The following RPGRIP1 variants were observed in gnomAD, a reference collection of about 807,000 sequenced individuals.
RPGRIP1 encodes the protein X-linked retinitis pigmentosa GTPase regulator-interacting protein 1.
Under a neutral mutation model 157.9 loss-of-function variants are expected in RPGRIP1, and 128 were observed. The ratio of observed to expected loss-of-function variants is 0.81; its 90% confidence interval spans 0.70 to 0.94. The LOEUF is 0.94. Among genes scored for constraint, RPGRIP1 ranks in the 40% least tolerant of loss-of-function variants. The probability of loss-of-function intolerance (pLI) is 0.00; values close to 1 mark genes in which losing one functional copy is unlikely to be tolerated. For synonymous variants in RPGRIP1, 554 were observed against 571.6 expected (o/e 0.97, Z 0.44); for missense variants, 1,486 against 1,545.8 (o/e 0.96, Z 0.65).
Position 21,334,629 on chromosome 14 carries a change from C to T in RPGRIP1, c.3263C>T (p.Ser1088Phe). 2 of 1,608,632 alleles carry T rather than the reference C, an allele frequency of 1.2e-6. No individual in the cohort carries two copies. The highest frequency in any genetic ancestry group is 1.7e-6 in the Non-Finnish European group (2 of 1,177,930). Residue 1088 changes from serine (S) to phenylalanine (F), a missense_variant, in exon 21 of 25, where the codon TCT becomes TTT. Physicochemically the swap from Ser to Phe is radical, Grantham distance 155. Transcript: ENST00000400017. ...VNDKESSEQGSEVSEAQTTDS... is the reference protein window; with the variant it reads ...VNDKESSEQGFEVSEAQTTDS... Reference sequence around the variant, plus strand: ...GACAAAGAATCCTCTGAACAAGGTTCTGAAGTCAGTGAAGCACAAACTACC... The same window carrying T: ...GACAAAGAATCCTCTGAACAAGGTTTTGAAGTCAGTGAAGCACAAACTACC...
intron 3 of RPGRIP1, among the ~76,000 whole-genome samples, chr14:21,296,561 G>A (rs1880790635): frequency 6.6e-6 from 1 of 151,584 alleles, no homozygotes; most frequent in Admixed American, 6.6e-5. Context: ...ATGTTGGCCA[G>A]GCTGGTCTCA....
intron 18 of RPGRIP1, among the ~76,000 whole-genome samples, chr14:21,328,109 C>T (rs566724597): frequency 2.0e-5 from 3 of 151,980 alleles, no homozygotes; most frequent in South Asian, 2.1e-4. Flanking sequence ...GTGGAGGTTG[C>T]GGCGAGCCGA....
At chr14:21,308,244 T>C (rs1881398525) in intron 7 of RPGRIP1, among the ~76,000 whole-genome samples, 1 of 152,238 alleles carries the variant, frequency 6.6e-6, no homozygotes, top group Admixed American at 6.5e-5. Flanking sequence ...TTTACAGTCA[T>C]GATCTTTTTT....
chr14:21,282,793 G>A (rs945714908), intron 1 of RPGRIP1, among the ~76,000 whole-genome samples: 1 of 151,672 alleles, frequency 6.6e-6, no homozygotes, highest in East Asian at 1.9e-4. Flanking sequence ...GTATTTTGTA[G>A]TAGAGATGGA....
At position 21,328,426 on chromosome 14, in the gene RPGRIP1, T is replaced by C; in HGVS notation, c.2898T>C (p.Asp966=). 6.2e-7 allele frequency: 1 copy of C among 1,608,812 alleles called. No individual in the cohort carries two copies. Among genetic ancestry groups the C allele is most frequent in the Non-Finnish European group, 8.5e-7 (1 of 1,177,130 alleles). The change falls in exon 19 of 25, where the codon GAT becomes GAC. Residue 966 remains aspartate (D), a splice_region_variant and synonymous_variant. Transcript: ENST00000400017. The stretch of plus-strand genomic sequence containing the variant: ...CTATCTCTGATCTTTCTATTCAGGA[T>C]CAGATGGCATCTCCTGAGGTTCCCA... The part of the protein sequence containing the change: ...EEEKASFPSQ[D]QMASPEVPIE...
intron 1 of RPGRIP1, among the ~76,000 whole-genome samples, chr14:21,283,232 C>A (rs1195013922): frequency 1.3e-5 from 2 of 152,150 alleles, no homozygotes; most frequent in Non-Finnish European, 2.9e-5. Flanking sequence ...CTTCACATTA[C>A]TTTTCTACAG....
chr14:21,291,484 C>G (rs1220893038), intron 2 of RPGRIP1, among the ~76,000 whole-genome samples: 1 of 151,906 alleles, frequency 6.6e-6, no homozygotes, highest in African/African-American at 2.4e-5. Flanking sequence ...GGAATATTTA[C>G]AAGTTTATTT....
At chr14:21,300,079 T>G (rs1478002656) in intron 3 of RPGRIP1, among the ~76,000 whole-genome samples, 1 of 152,176 alleles carries the variant, frequency 6.6e-6, no homozygotes, top group Non-Finnish European at 1.5e-5. Flanking sequence ...GCGAATCACT[T>G]AAGGTCAGGA....
At chr14:21,343,270 G>A in intron 22 of RPGRIP1, 42 bp downstream of exon 22, 1 of 1,461,078 alleles carries the variant, frequency 6.8e-7, no homozygotes, top group Non-Finnish European at 9.4e-7. Flanking sequence ...GAAGTCTGAT[G>A]AACATTGAGA....
chr14:21,327,928 G>A (rs990049262), intron 18 of RPGRIP1, 121 bp downstream of exon 18: 2 of 737,148 alleles, frequency 2.7e-6, no homozygotes, highest in African/African-American at 3.6e-5. Flanking sequence ...CAGCACTTTG[G>A]GAGGCCATGG....
At chr14:21,309,831 A>AT (rs1227431678) in intron 7 of RPGRIP1, among the ~76,000 whole-genome samples, 6 of 105,836 alleles carry the variant, frequency 5.7e-5, no homozygotes, top group African/African-American at 1.5e-4. Context: ...TAAAAAATAA[A>AT]TTTAAAAAAA....
At chr14:21,282,454 T>G (rs1880164905) in intron 1 of RPGRIP1, among the ~76,000 whole-genome samples, 1 of 152,002 alleles carries the variant, frequency 6.6e-6, no homozygotes, top group African/African-American at 2.4e-5. Flanking sequence ...ACCAGGATGG[T>G]CTCGATCTCC....
chr14:21,304,962 C>A (rs548743654), intron 6 of RPGRIP1, among the ~76,000 whole-genome samples: 1 of 151,968 alleles, frequency 6.6e-6, no homozygotes, highest in African/African-American at 2.4e-5. Flanking sequence ...CCACCATGCC[C>A]GGCTAATTTT....
intron 4 of RPGRIP1, among the ~76,000 whole-genome samples, 195 bp downstream of exon 4, chr14:21,301,432 G>GA (rs1881023209): frequency 6.6e-6 from 1 of 151,970 alleles, no homozygotes; most frequent in African/African-American, 2.4e-5. Context: ...ATTCACCATG[G>GA]AGTGTCGCTG....
chr14:21,351,293 T>C lies in RPGRIP1; in HGVS notation c.*77T>C. 1.2e-6 allele frequency: 1 copy of C among 851,076 alleles called. No homozygotes were observed. Among genetic ancestry groups the C allele is most frequent in the Non-Finnish European group, 1.9e-6 (1 of 518,846 alleles). 52.7% of individuals were successfully genotyped at this position (851,076 alleles called of 1,614,324 possible). The stretch of plus-strand genomic sequence containing the variant: ...AGTCTCTTATAAAGTTAGCTTGCTA[T>C]AACATGAATTTGGTTTACTGTGATG... On this transcript the variant is annotated 3_prime_UTR_variant, in exon 25 of 25. Coordinates refer to ENST00000400017, the MANE Select transcript of RPGRIP1 (RefSeq NM_020366.4).
chr14:21,325,361 G>A lies in RPGRIP1; in HGVS notation c.2345G>A (p.Gly782Asp), dbSNP rs1375869921. 7 of 1,588,038 alleles carry A rather than the reference G, an allele frequency of 4.4e-6. No individual in the cohort carries two copies. Among genetic ancestry groups the A allele is most frequent in the East Asian group, 2.3e-5 (1 of 43,764 alleles). Residue 782 changes from glycine (G) to aspartate (D), a missense_variant, in exon 16 of 25, where the codon GGC becomes GAC. Transcript: ENST00000400017. ...QVYLSTDVLGGRKAQEEEFRS... is the reference protein window; with the variant it reads ...QVYLSTDVLGDRKAQEEEFRS... Reference sequence around the variant, plus strand: ...TACCTGTCAACCGATGTGCTTGGAGGCCGGAAGGCCCAGGAAGAGGAGGTG... The same window carrying A: ...TACCTGTCAACCGATGTGCTTGGAGACCGGAAGGCCCAGGAAGAGGAGGTG...
intron 1 of RPGRIP1, among the ~76,000 whole-genome samples, chr14:21,281,298 G>C (rs1365907633): frequency 1.3e-5 from 2 of 151,940 alleles, no homozygotes; most frequent in African/African-American, 4.8e-5. Flanking sequence ...CTGGGATTAC[G>C]GGCGTGAGCC....
At chr14:21,327,309 T>C (rs1003317550) in intron 17 of RPGRIP1, among the ~76,000 whole-genome samples, 6 of 152,142 alleles carry the variant, frequency 3.9e-5, no homozygotes, top group Admixed American at 2.6e-4. Flanking sequence ...CATTTGATAA[T>C]AGTAATAATA....
chr14:21,293,793 G>A (rs1345692473), intron 2 of RPGRIP1, among the ~76,000 whole-genome samples: 5 of 151,928 alleles, frequency 3.3e-5, no homozygotes, highest in African/African-American at 1.2e-4. Context: ...GCAGGAGAAT[G>A]GTGTGGACCT....
Sources: gnomAD v4.1 joint callset for allele counts (sites outside exome capture counted in the v4.1 genomes callset) on GRCh38, gnomAD v4.1.1 for gene constraint, MANE v1.5 for transcripts, NCBI Gene and HGNC (gene_info 2026-07-23, HGNC 2026-07-21) for gene names.